Variants in CD163L1 observed in about 807,000 individuals in gnomAD.
CD163L1 encodes CD163 molecule like 1.
Under a neutral mutation model 165.4 loss-of-function variants are expected in CD163L1, and 124 were observed. That is an observed-to-expected ratio of 0.75 (90% CI 0.65 to 0.87). The LOEUF (loss-of-function observed/expected upper bound fraction) is 0.87. CD163L1 is among the 40% of genes least tolerant of loss of function. The probability of loss-of-function intolerance (pLI) is 0.00; values close to 1 mark genes in which losing one functional copy is unlikely to be tolerated. For missense variants in CD163L1, 1,525 were observed against 1,799.9 expected (o/e 0.85, Z 2.76); for synonymous variants, 585 against 662.2 (o/e 0.88, Z 1.79).
intron 8 of CD163L1, among the ~76,000 whole-genome samples, chr12:7,395,632 G>A (rs1168284249): frequency 1.3e-5 from 2 of 152,018 alleles, no homozygotes; most frequent in Admixed American, 1.3e-4. Context: ...CCAGACCTCT[G>A]GATGAAGTTT....
rs75708459 is a variant in CD163L1 at position 7,382,132 on chromosome 12, A to G, written c.2051-2834T>C. 5.2e-3 allele frequency among the ~76,000 whole-genome samples: 794 copies of G among 151,480 alleles called. 5 individuals are homozygous for G. Among genetic ancestry groups the G allele is most frequent in the African/African-American group, 0.018 (738 of 41,428 alleles). ...TCAATATGTAAAACAATTATTACCA[A>G]TAAGAAAGTCTGTAGTTTACAATAC... is the stretch of plus-strand genomic sequence containing the variant. On this transcript the variant is annotated intron_variant, in intron 8 of 19. Transcript: ENST00000313599.
chr12:7,420,262 T>C (rs1948323095), intron 4 of CD163L1, among the ~76,000 whole-genome samples: 1 of 151,964 alleles, frequency 6.6e-6, no homozygotes, highest in Non-Finnish European at 1.5e-5. Context: ...TTCTAAAAGA[T>C]AACATCGGAA....
At chr12:7,327,315 TCA>T in the CD163L1 span, among the ~76,000 whole-genome samples, 1 of 152,186 alleles carries the variant, frequency 6.6e-6, no homozygotes, top group Non-Finnish European at 1.5e-5. Flanking sequence ...CAATACTGAA[TCA>T]CTACTAAGAG....
chr12:7,348,519 A>G (rs747450615), intron 4 of CD163L1, among the ~76,000 whole-genome samples: 9 of 152,144 alleles, frequency 5.9e-5, no homozygotes, highest in Non-Finnish European at 8.8e-5. Flanking sequence ...CATGCCATTT[A>G]GTATATAGCT....
At chr12:7,350,003 C>T (rs1057421465), downstream of CD163L1, among the ~76,000 whole-genome samples, 1 of 152,226 alleles carries the variant, frequency 6.6e-6, no homozygotes, top group South Asian at 2.1e-4. Flanking sequence ...AATGCAGGAC[C>T]CGGGAATAAA....
At chr12:7,388,523 AC>A (rs1047757074) in intron 8 of CD163L1, among the ~76,000 whole-genome samples, 8 of 149,670 alleles carry the variant, frequency 5.3e-5, no homozygotes, top group South Asian at 4.2e-4. Flanking sequence ...AGGGCAGATC[AC>A]TTGAGCCCGG....
chr12:7,389,339 A>G (rs1013956574), intron 8 of CD163L1, among the ~76,000 whole-genome samples: 6 of 152,172 alleles, frequency 3.9e-5, no homozygotes, highest in Non-Finnish European at 8.8e-5. Context: ...TTTGATTTGC[A>G]CTTCTCTGAT....
chr12:7,319,932 T>C, the CD163L1 span, among the ~76,000 whole-genome samples: 1 of 152,232 alleles, frequency 6.6e-6, no homozygotes, highest in East Asian at 1.9e-4. Flanking sequence ...TTTTTAGGTG[T>C]ATACATTACA....
At chr12:7,371,863 G>A (rs1236902687) in intron 14 of CD163L1, among the ~76,000 whole-genome samples, 1 of 151,614 alleles carries the variant, frequency 6.6e-6, no homozygotes, top group Non-Finnish European at 1.5e-5. Flanking sequence ...ATAACATTTT[G>A]CAATAAAATA....
intron 9 of CD163L1, among the ~76,000 whole-genome samples, chr12:7,376,229 A>G (rs1477472008): frequency 6.6e-6 from 1 of 152,212 alleles, no homozygotes; most frequent in Admixed American, 6.5e-5. Context: ...CACCAATCCT[A>G]GATTTAGAAC....
the CD163L1 span, chr12:7,320,794 G>T: frequency 1.2e-6 from 2 of 1,612,556 alleles, no homozygotes; most frequent in Non-Finnish European, 8.5e-7. Context: ...CGTGCAAAAA[G>T]ACCTTAAGAG....
the CD163L1 span, among the ~76,000 whole-genome samples, chr12:7,338,427 A>G: frequency 1.3e-5 from 2 of 152,242 alleles, no homozygotes; most frequent in African/African-American, 4.8e-5. Flanking sequence ...AAGCATGTTA[A>G]GACAGGGAAT....
At position 7,357,267 on chromosome 12, in the gene CD163L1, T is replaced by G. The variant is rs76506627; in HGVS notation, c.*24+113A>C. On this transcript the variant is annotated intron_variant, in intron 19 of 19. Transcript: ENST00000313599. Reference sequence around the variant, plus strand: ...TAGAATATTTGAAATACTGGGGATATGAACCAGTGACATAATATATGGTAA... The same window carrying G: ...TAGAATATTTGAAATACTGGGGATAGGAACCAGTGACATAATATATGGTAA... 552 of 626,492 alleles carry G rather than the reference T, an allele frequency of 8.8e-4. 5 individuals are homozygous for G. In the East Asian group the frequency reaches 0.014, roughly 16 times the overall value. The allele number at this position is 626,492 out of a possible 1,614,324, so 38.8% of individuals were successfully genotyped here.
rs1484430669 is a variant in CD163L1 at position 7,369,479 on chromosome 12, C to T, written c.3917G>A (p.Gly1306Glu). 6.2e-7 allele frequency: 1 copy of T among 1,614,188 alleles called. No homozygotes were observed. The highest frequency in any genetic ancestry group is 2.2e-5 in the East Asian group (1 of 44,882). ...LRDASFGQGT[G>E]TIWLDDMRCK... ...CCGCATGTCATCCAACCAGATGGTTCCAGTTCCCTGGCCAAACGAAGCGTC... is the reference window on the plus strand; with the variant it reads ...CCGCATGTCATCCAACCAGATGGTTTCAGTTCCCTGGCCAAACGAAGCGTC... The change falls in exon 15 of 20, where the codon GGA (glycine) becomes GAA (glutamate). Residue 1306 changes from glycine to glutamate, a missense_variant. Coordinates refer to ENST00000313599, the MANE Select transcript of CD163L1 (RefSeq NM_174941.6). This position sits in a 1 kb window ranked among gnomAD's most constrained non-coding sequence, Gnocchi z 4.9.
At chr12:7,429,638 C>T (rs1948597620) in intron 4 of CD163L1, among the ~76,000 whole-genome samples, 1 of 151,958 alleles carries the variant, frequency 6.6e-6, no homozygotes, top group Non-Finnish European at 1.5e-5. Flanking sequence ...TCTCTTGGTA[C>T]TATCAAAGCT....
intron 6 of CD163L1, among the ~76,000 whole-genome samples, chr12:7,399,336 TTC>T (rs938525542): frequency 7.0e-6 from 1 of 142,958 alleles, no homozygotes; most frequent in South Asian, 2.3e-4. Flanking sequence ...TCTTCTTTCA[TTC>T]TCTCTTCTTT....
chr12:7,337,429 G>A, the CD163L1 span, among the ~76,000 whole-genome samples: 1 of 152,104 alleles, frequency 6.6e-6, no homozygotes, highest in African/African-American at 2.4e-5. Context: ...ATCTGACAAA[G>A]GGCCAATATC....
chr12:7,427,976 T>C (rs772260615), intron 4 of CD163L1, among the ~76,000 whole-genome samples: 14 of 152,170 alleles, frequency 9.2e-5, no homozygotes, highest in South Asian at 2.1e-4. Flanking sequence ...TTGGTAGTTA[T>C]ATTGCTAATT....
intron 4 of CD163L1, among the ~76,000 whole-genome samples, chr12:7,421,773 TTTC>T (rs1268146407): frequency 2.7e-4 from 38 of 141,254 alleles, no homozygotes; most frequent in African/African-American, 1.0e-3. Flanking sequence ...ATATATATTT[TTTC>T]TTCTAAGTGA....
Sources: allele counts gnomAD v4.1 joint callset (sites outside exome capture counted in the v4.1 genomes callset), GRCh38; gene constraint gnomAD v4.1.1; non-coding constraint Gnocchi (gnomAD v3.1); transcripts MANE v1.5; gene names NCBI Gene and HGNC (gene_info 2026-07-23, HGNC 2026-07-21).